RTN4RL1: variants seen among roughly 807,000 people sequenced by gnomAD.
RTN4RL1 encodes the protein reticulon-4 receptor-like 1.
RTN4RL1 carries 7 observed loss-of-function variants against 25.6 expected under a neutral mutation model. That is an observed-to-expected ratio of 0.27 (90% CI 0.16 to 0.51). RTN4RL1 has a LOEUF of 0.51. Among genes scored for constraint, RTN4RL1 ranks in the 20% least tolerant of loss-of-function variants. The pLI is 0.97. For synonymous variants in RTN4RL1, 297 were observed against 288.2 expected, an observed-to-expected ratio of 1.03 and a Z score of -0.31; for missense variants, 500 against 615.6, an observed-to-expected ratio of 0.81 and a Z score of 1.99.
chr17:1,946,204 A>C (rs752286209), intron 1 of RTN4RL1, among the ~76,000 whole-genome samples: 9 of 152,238 alleles, frequency 5.9e-5, no homozygotes, highest in Admixed American at 5.9e-4. Context: ...AGTCCCAAAC[A>C]AACCAACCAA....
intron 1 of RTN4RL1, among the ~76,000 whole-genome samples, chr17:1,975,743 G>T (rs9898872): frequency 0.25 from 37,641 of 152,060 alleles, 4,949 homozygotes; most frequent in African/African-American, 0.31. Context: ...AGCAAGCTAA[G>T]GCCACATCAT....
chr17:1,940,591 G>C (rs1407096100), intron 1 of RTN4RL1, among the ~76,000 whole-genome samples: 1 of 152,088 alleles, frequency 6.6e-6, no homozygotes, highest in Non-Finnish European at 1.5e-5. Context: ...GGAGGAACCT[G>C]GGCTCCAAAC....
chr17:1,997,258 G>C lies in RTN4RL1; in HGVS notation c.13+27595C>G, dbSNP rs1030953158. Among the ~76,000 whole-genome samples the C allele has an allele frequency of 2.0e-5, 3 of 152,192 alleles. No individual in the cohort carries two copies. In the East Asian group the frequency reaches 5.8e-4, roughly 29 times the overall value. ...ACAATCAACCTCACTGGCCTTCCTC[G>C]CAAATTATTTCCTGCCTCTGGGCCT... On this transcript the variant is annotated intron_variant, in intron 1 of 1. Transcript: ENST00000331238.
At chr17:2,010,729 AAAACAAAC>A (rs141843187) in intron 1 of RTN4RL1, among the ~76,000 whole-genome samples, 5,957 of 150,786 alleles carry the variant, frequency 0.04, 379 homozygotes, top group African/African-American at 0.13. Context: ...GGCTAATTAA[AAAACAAAC>A]AAACAAACAA....
At chr17:1,954,358 C>T (rs542495681) in intron 1 of RTN4RL1, among the ~76,000 whole-genome samples, 17 of 151,004 alleles carry the variant, frequency 1.1e-4, no homozygotes, top group African/African-American at 4.1e-4. Context: ...TTTCCTTTCC[C>T]TTCCCTTCCT....
rs148177470 is a variant in RTN4RL1, at chr17:1,980,529, T to G, written c.14-42721A>C. Among the ~76,000 whole-genome samples the G allele has an allele frequency of 2.6e-4, 39 of 152,290 alleles. No homozygotes were observed. The East Asian group carries it at 7.1e-3, about 28-fold the overall frequency. On this transcript the variant is annotated intron_variant, in intron 1 of 1. Transcript: ENST00000331238. ...GGTGCTTGGCTCTGCCCTGGGTATT[T>G]GCCTCCCTCCCACTTCTTTATAGCG...
intron 1 of RTN4RL1, among the ~76,000 whole-genome samples, chr17:2,006,463 G>GT (rs1166275948): frequency 1.3e-5 from 2 of 151,672 alleles, no homozygotes; most frequent in Non-Finnish European, 2.9e-5. Flanking sequence ...AACCAGTTGG[G>GT]TTTTTTTGAG....
intron 1 of RTN4RL1, among the ~76,000 whole-genome samples, chr17:1,948,556 G>T (rs1915607718): frequency 6.6e-6 from 1 of 152,118 alleles, no homozygotes; most frequent in African/African-American, 2.4e-5. Context: ...CAGACAGGCA[G>T]ACAGGCAGAC....
At chr17:1,973,165 C>G (rs1348817220) in intron 1 of RTN4RL1, among the ~76,000 whole-genome samples, 1 of 151,480 alleles carries the variant, frequency 6.6e-6, no homozygotes, top group African/African-American at 2.4e-5. Flanking sequence ...GAGTTCAAGA[C>G]CGGCCTGGCC....
intron 1 of RTN4RL1, among the ~76,000 whole-genome samples, chr17:1,962,422 A>G (rs1480127922): frequency 2.0e-5 from 3 of 151,518 alleles, no homozygotes; most frequent in African/African-American, 7.3e-5. Flanking sequence ...CAGTGGTGCA[A>G]TCTCAGCTCC....
intron 1 of RTN4RL1, among the ~76,000 whole-genome samples, chr17:2,023,149 C>T (rs1171487261): frequency 1.3e-5 from 2 of 152,246 alleles, no homozygotes; most frequent in Non-Finnish European, 2.9e-5. Flanking sequence ...CACAGACCTG[C>T]AGCCCAGACA....
intron 1 of RTN4RL1, among the ~76,000 whole-genome samples, chr17:2,014,488 G>A (rs1325798842): frequency 1.3e-5 from 2 of 152,140 alleles, no homozygotes; most frequent in Admixed American, 6.6e-5. Context: ...AAGCAGCCAC[G>A]GAGTGTTCTA....
At chr17:1,957,073 C>T (rs1166178893) in intron 1 of RTN4RL1, among the ~76,000 whole-genome samples, 1 of 152,202 alleles carries the variant, frequency 6.6e-6, no homozygotes, top group African/African-American at 2.4e-5. Context: ...ATGACTGTAT[C>T]TATTGATTCT....
At chr17:2,005,190 G>A (rs1031285917) in intron 1 of RTN4RL1, among the ~76,000 whole-genome samples, 2 of 151,886 alleles carry the variant, frequency 1.3e-5, no homozygotes, top group African/African-American at 4.8e-5. Context: ...CACGTTTTGT[G>A]GAGATGTGGT....
chr17:1,990,365 C>G (rs2151318998), intron 1 of RTN4RL1, among the ~76,000 whole-genome samples: 1 of 151,886 alleles, frequency 6.6e-6, no homozygotes, highest in South Asian at 2.1e-4. Flanking sequence ...GACTCCATCT[C>G]AAAAATAAAC....
intron 1 of RTN4RL1, among the ~76,000 whole-genome samples, chr17:1,938,490 C>CG (rs1218158097): frequency 3.3e-5 from 5 of 151,396 alleles, no homozygotes; most frequent in Admixed American, 2.0e-4. Flanking sequence ...TTAGTAGAGA[C>CG]GGGGTTTCTC....
intron 1 of RTN4RL1, among the ~76,000 whole-genome samples, chr17:1,967,978 A>T (rs1388098275): frequency 6.6e-6 from 1 of 151,982 alleles, no homozygotes; most frequent in Admixed American, 6.6e-5. Context: ...CTGAGGTCAA[A>T]GTCCCCTTGA....
chr17:1,965,743 C>T (rs188481218), intron 1 of RTN4RL1, among the ~76,000 whole-genome samples: 190 of 152,326 alleles, frequency 1.2e-3, no homozygotes, highest in African/African-American at 4.3e-3. Context: ...CGCCAGGCCC[C>T]CACTGCCCTC....
chr17:1,947,204 G>A (rs1915575544), intron 1 of RTN4RL1, among the ~76,000 whole-genome samples: 2 of 152,198 alleles, frequency 1.3e-5, no homozygotes, highest in African/African-American at 2.4e-5. Context: ...GTGTGTGCAC[G>A]TGTGTCTGCG....
Sources: gnomAD v4.1 joint callset for allele counts (sites outside exome capture counted in the v4.1 genomes callset) on GRCh38, gnomAD v4.1.1 for gene constraint, MANE v1.5 for transcripts, NCBI Gene and HGNC (gene_info 2026-07-23, HGNC 2026-07-21) for gene names.